Variants in TBC1D19 observed in about 807,000 individuals in gnomAD.
TBC1D19 encodes TBC1 domain family member 19.
In TBC1D19, 60 loss-of-function variants were observed where a neutral mutation model predicts 89.0. That is an observed-to-expected ratio of 0.67 (90% CI 0.55 to 0.84). The LOEUF (loss-of-function observed/expected upper bound fraction) is 0.84. Among genes scored for constraint, TBC1D19 ranks in the 40% least tolerant of loss-of-function variants. The pLI is 0.00. For missense variants in TBC1D19, 500 were observed against 610.8 expected, an observed-to-expected ratio of 0.82 and a Z score of 1.91; for synonymous variants, 189 against 199.7, an observed-to-expected ratio of 0.95 and a Z score of 0.45.
At chr4:26,594,361 G>A (rs897305843) in intron 1 of TBC1D19, among the ~76,000 whole-genome samples, 9 of 152,000 alleles carry the variant, frequency 5.9e-5, no homozygotes, top group African/African-American at 2.2e-4. Flanking sequence ...GAGAGGGGAG[G>A]GATAGCATTA....
chr4:26,577,303 G>A (rs141020880), intron 1 of TBC1D19, among the ~76,000 whole-genome samples: 91 of 151,364 alleles, frequency 6.0e-4, no homozygotes, highest in African/African-American at 1.9e-3. Context: ...GTGTGTGTGC[G>A]TGTGTGTGTG....
At chr4:26,810,705 A>G in the TBC1D19 span, among the ~76,000 whole-genome samples, 1 of 151,880 alleles carries the variant, frequency 6.6e-6, no homozygotes, top group African/African-American at 2.4e-5. Context: ...ACCACACCCT[A>G]TGAGCACACA....
intron 4 of TBC1D19, among the ~76,000 whole-genome samples, chr4:26,634,316 G>A (rs1742988259): frequency 6.6e-6 from 1 of 151,870 alleles, no homozygotes; most frequent in Admixed American, 6.6e-5. Flanking sequence ...TTTTTGTATG[G>A]GTCCCATGGC....
intron 1 of TBC1D19, among the ~76,000 whole-genome samples, chr4:26,598,710 C>G (rs1438042409): frequency 6.6e-6 from 1 of 152,064 alleles, no homozygotes; most frequent in African/African-American, 2.4e-5. Flanking sequence ...ATACTTCTGT[C>G]AATTTAGTAT....
At chr4:26,708,089 T>G (rs1372557739) in intron 13 of TBC1D19, among the ~76,000 whole-genome samples, 1 of 152,126 alleles carries the variant, frequency 6.6e-6, no homozygotes, top group Non-Finnish European at 1.5e-5. Context: ...TTAAAGATCT[T>G]TCTTCACTCA....
At chr4:26,822,767 C>A in the TBC1D19 span, among the ~76,000 whole-genome samples, 1 of 152,180 alleles carries the variant, frequency 6.6e-6, no homozygotes, top group Non-Finnish European at 1.5e-5. Context: ...AAGCCACAAA[C>A]AGGAAATAGT....
In TBC1D19 at chr4:26,673,791, A is replaced by G; in HGVS notation, c.719A>G (p.Asp240Gly). 1 of 1,608,002 alleles carries G rather than the reference A, an allele frequency of 6.2e-7. No homozygotes were observed. Among genetic ancestry groups the G allele is most frequent in the Non-Finnish European group, 8.5e-7 (1 of 1,174,866 alleles). Reference sequence around the variant, plus strand: ...CTTTTGATAGTTCTAGCAGAACAAGATAGTGCTGCTGCTCAACAGTACATC... The same window carrying G: ...CTTTTGATAGTTCTAGCAGAACAAGGTAGTGCTGCTGCTCAACAGTACATC... The part of the protein sequence containing the change: ...RIGQKVLAEQ[D>G]SAAAQQYIRQ... The change falls in exon 11 of 21, where the codon GAT (aspartate) becomes GGT (glycine). Residue 240 changes from aspartate (D) to glycine (G), a missense_variant. By Grantham distance (94) the Asp-to-Gly change is moderately conservative. Around this residue, in one of 2 missense-constraint regions of TBC1D19, gnomAD observed 280 missense variants for 291.7 expected, o/e 0.96. Coordinates refer to ENST00000264866, the MANE Select transcript of TBC1D19 (RefSeq NM_018317.4).
intron 13 of TBC1D19, among the ~76,000 whole-genome samples, chr4:26,715,205 T>C (rs1377833443): frequency 6.6e-6 from 1 of 152,072 alleles, no homozygotes; most frequent in Non-Finnish European, 1.5e-5. Flanking sequence ...AATGAACCCA[T>C]GATCTCACTC....
chr4:26,621,511 A>T lies in TBC1D19; in HGVS notation c.294+823A>T, dbSNP rs1041768578. Among the ~76,000 whole-genome samples the T allele has an allele frequency of 2.4e-4, 36 of 152,174 alleles. 1 individual carries two copies. Among genetic ancestry groups the T allele is most frequent in the Admixed American group, 2.4e-3 (36 of 15,270 alleles). The stretch of plus-strand genomic sequence containing the variant: ...TACCTCAAAGAACTCCCATGAACCC[A>T]TCACTCAGCTTCCACAGTTATCATC... On this transcript the variant is annotated intron_variant, in intron 4 of 20. Coordinates refer to ENST00000264866, the MANE Select transcript of TBC1D19 (RefSeq NM_018317.4).
At chr4:26,785,763 A>T in the TBC1D19 span, among the ~76,000 whole-genome samples, 1 of 152,226 alleles carries the variant, frequency 6.6e-6, no homozygotes, top group African/African-American at 2.4e-5. Context: ...GAACAGGAAC[A>T]GATTCAGTTT....
At chr4:26,768,247 A>G in the TBC1D19 span, among the ~76,000 whole-genome samples, 2 of 152,242 alleles carry the variant, frequency 1.3e-5, no homozygotes, top group Admixed American at 6.5e-5. Context: ...AATACTCAAA[A>G]GGGTTTTGCC....
chr4:26,621,611 G>A (rs1014488026), intron 4 of TBC1D19, among the ~76,000 whole-genome samples: 9 of 151,866 alleles, frequency 5.9e-5, no homozygotes, highest in Non-Finnish European at 1.0e-4. Context: ...CACTTTTTTC[G>A]ACTTTTATTT....
At chr4:26,646,010 C>T (rs1474606728) in intron 7 of TBC1D19, among the ~76,000 whole-genome samples, 48 of 150,104 alleles carry the variant, frequency 3.2e-4, no homozygotes, top group African/African-American at 1.2e-3. Context: ...GTAGTCCCAG[C>T]TACTTGGGAG....
At chr4:26,814,368 G>A in the TBC1D19 span, among the ~76,000 whole-genome samples, 3 of 152,190 alleles carry the variant, frequency 2.0e-5, no homozygotes, top group East Asian at 3.8e-4. Flanking sequence ...GAATTCAAGA[G>A]CTCTTGAGAA....
the TBC1D19 span, among the ~76,000 whole-genome samples, chr4:26,764,354 C>A: frequency 4.3e-4 from 65 of 152,082 alleles, no homozygotes; most frequent in Non-Finnish European, 8.2e-4. Flanking sequence ...ATTCCCTGAG[C>A]TTTACAGAGT....
chr4:26,681,296 T>C (rs996652722), intron 11 of TBC1D19, among the ~76,000 whole-genome samples: 4 of 151,952 alleles, frequency 2.6e-5, no homozygotes, highest in Admixed American at 2.6e-4. Context: ...CCCAGCACTT[T>C]GGGAGGCTGA....
At chr4:26,855,489 C>T in the TBC1D19 span, among the ~76,000 whole-genome samples, 1 of 152,172 alleles carries the variant, frequency 6.6e-6, no homozygotes, top group Admixed American at 6.5e-5. Context: ...CCTGGTTTTA[C>T]TGGAACAAAA....
chr4:26,656,761 G>A (rs1257587050), intron 7 of TBC1D19, among the ~76,000 whole-genome samples: 1 of 152,034 alleles, frequency 6.6e-6, no homozygotes, highest in East Asian at 1.9e-4. Context: ...GTCTCACGAT[G>A]TTGCCCAGGC....
the TBC1D19 span, among the ~76,000 whole-genome samples, chr4:26,792,784 C>A: frequency 1.3e-5 from 2 of 152,232 alleles, no homozygotes; most frequent in African/African-American, 4.8e-5. Flanking sequence ...ACTGCAAAGG[C>A]TATGCATACA....
Sources: gnomAD v4.1 joint callset for allele counts (sites outside exome capture counted in the v4.1 genomes callset) on GRCh38, gnomAD v4.1.1 for gene constraint, gnomAD v4.1.1 regional missense constraint, MANE v1.5 for transcripts, NCBI Gene and HGNC (gene_info 2026-07-23, HGNC 2026-07-21) for gene names.